The following CLEC11A variants were observed in gnomAD, a reference collection of about 807,000 sequenced individuals.
CLEC11A encodes C-type lectin domain family 11 member A.
Under a neutral mutation model 33.9 loss-of-function variants are expected in CLEC11A, and 35 were observed. The observed-to-expected ratio is 1.03, with a 90% confidence interval of 0.79 to 1.37. CLEC11A has a LOEUF of 1.37. CLEC11A is among the 40% of genes most tolerant of loss of function. The probability of loss-of-function intolerance (pLI) is 0.00; values close to 1 mark genes in which losing one functional copy is unlikely to be tolerated. For missense variants in CLEC11A, 519 were observed against 455.5 expected (o/e 1.14, Z -1.27); for synonymous variants, 220 against 202.2 (o/e 1.09, Z -0.75).
chr19:50,723,428 T>A lies in CLEC11A; in HGVS notation c.-98T>A. On this transcript the variant is annotated 5_prime_UTR_variant, in exon 1 of 4. Transcript: ENST00000250340. This position sits in a 1 kb window ranked among gnomAD's most constrained non-coding sequence, Gnocchi z 4.1. ...ATCGGGAACCTGGGGGCTAGTGACC[T>A]GCACACAGGGCAGGGGCACTCGGCA... The A allele has an allele frequency of 7.6e-7, 1 of 1,313,688 alleles. No homozygotes were observed. The allele number at this position is 1,313,688 out of a possible 1,614,324, so 81.4% of individuals were successfully genotyped here.
Position 50,723,811 on chromosome 19 carries a change from G to C in CLEC11A, c.148-94G>C. The C allele has an allele frequency of 6.5e-7, 1 of 1,536,096 alleles. No homozygotes were observed. The highest frequency in any genetic ancestry group is 2.1e-5 in the Admixed American group (1 of 48,760). ...GGGAGGGTGATGGGCTCAGAGACAGGACTCAGGCAGCAGAGAATGAGTTAT... is the reference window on the plus strand; with the variant it reads ...GGGAGGGTGATGGGCTCAGAGACAGCACTCAGGCAGCAGAGAATGAGTTAT... On this transcript the variant is annotated intron_variant, in intron 1 of 3. Transcript: ENST00000250340. The surrounding 1 kb of genome is among the most constrained non-coding windows in gnomAD (Gnocchi z 4.1).
Position 50,723,415 on chromosome 19 carries a change from G to A in CLEC11A, c.-111G>A. The A allele has an allele frequency of 2.7e-6, 3 of 1,091,096 alleles. No homozygotes were observed. The highest frequency in any genetic ancestry group is 4.1e-6 in the Non-Finnish European group (3 of 735,080). 67.6% of individuals were successfully genotyped at this position (1,091,096 alleles called of 1,614,324 possible). A position where few individuals can be genotyped will look rare whatever the true frequency, so the allele number is the denominator to read the frequency against. On this transcript the variant is annotated 5_prime_UTR_variant, in exon 1 of 4. Transcript: ENST00000250340. This position sits in a 1 kb window ranked among gnomAD's most constrained non-coding sequence, Gnocchi z 4.1. ...AGAAGCTGGGAGAATCGGGAACCTG[G>A]GGGCTAGTGACCTGCACACAGGGCA...
rs370253740 is a variant in CLEC11A at position 50,725,158 on chromosome 19, G to A, written c.663G>A (p.Glu221=). The stretch of plus-strand genomic sequence containing the variant: ...AGCCGGCAGACCGCCAGCAGATGGA[G>A]GCGCTCACTCGGTACCTGCGCGCGG... ...LAQPADRQQM[E]ALTRYLRAAL... is the part of the protein sequence containing the mutation. Residue 221 remains glutamate (E), a synonymous_variant, in exon 4 of 4, where the codon GAG becomes GAA. Coordinates refer to ENST00000250340, the MANE Select transcript of CLEC11A (RefSeq NM_002975.3). 8.4e-5 allele frequency: 131 copies of A among 1,567,062 alleles called. No homozygotes were observed. Among genetic ancestry groups the A allele is most frequent in the Non-Finnish European group, 1.1e-4 (123 of 1,158,102 alleles).
In CLEC11A at chr19:50,725,047, C is replaced by A. The variant is rs1290396852; in HGVS notation, c.552C>A (p.Gly184=). ...GCTGCCTGAAGGGGCTGCGCCTGGG[C>A]CACAAGTGCTTCCTGCTCTCGCGCG... ...LEGCLKGLRL[G]HKCFLLSRDF... is the part of the protein sequence containing the mutation. Residue 184 remains glycine (G), a synonymous_variant, in exon 4 of 4, where the codon GGC becomes GGA. Transcript: ENST00000250340. 7 of 1,510,494 alleles carry A rather than the reference C, an allele frequency of 4.6e-6. No individual in the cohort carries two copies. Among genetic ancestry groups the A allele is most frequent in the Non-Finnish European group, 6.2e-6 (7 of 1,131,904 alleles). 93.6% of individuals were successfully genotyped at this position (1,510,494 alleles called of 1,614,324 possible).
Position 50,724,358 on chromosome 19 carries a change from C to T in CLEC11A, c.335-52C>T. The T allele has an allele frequency of 7.0e-7, 1 of 1,434,578 alleles. No individual in the cohort carries two copies. The highest frequency in any genetic ancestry group is 9.1e-7 in the Non-Finnish European group (1 of 1,094,420). 88.9% of individuals were successfully genotyped at this position (1,434,578 alleles called of 1,614,324 possible). On this transcript the variant is annotated intron_variant, in intron 2 of 3. Transcript: ENST00000250340. This position sits in a 1 kb window ranked among gnomAD's most constrained non-coding sequence, Gnocchi z 4.1. The stretch of plus-strand genomic sequence containing the variant: ...TCCCAGTTCTCCAGGTCCTCAGGCC[C>T]CCCGCTGCATCTCCAGGCTCCCCCT...
rs1410106050 is a variant in CLEC11A at position 50,723,716 on chromosome 19, G to A, written c.147+44G>A. On this transcript the variant is annotated intron_variant, in intron 1 of 3. Transcript: ENST00000250340. The surrounding 1 kb of genome is among the most constrained non-coding windows in gnomAD (Gnocchi z 4.1). ...GGGAGCTATGGGTGGTGAACTGTGG[G>A]TCTGGGAGGGGGTATTGCAAGGTTA... 8 of 1,539,120 alleles carry A rather than the reference G, an allele frequency of 5.2e-6. No homozygotes were observed. The highest frequency in any genetic ancestry group is 3.8e-5 in the South Asian group (3 of 78,690).
chr19:50,725,014 G>A lies in CLEC11A; in HGVS notation c.527-8G>A. The A allele has an allele frequency of 1.4e-6, 2 of 1,427,382 alleles. No homozygotes were observed. Among genetic ancestry groups the A allele is most frequent in the Non-Finnish European group, 9.1e-7 (1 of 1,093,112 alleles). The allele number at this position is 1,427,382 out of a possible 1,614,324, so 88.4% of individuals were successfully genotyped here. A position where few individuals can be genotyped will look rare whatever the true frequency, so the allele number is the denominator to read the frequency against. On this transcript the variant is annotated splice_region_variant and splice_polypyrimidine_tract_variant and intron_variant, in intron 3 of 3. Transcript: ENST00000250340. ...CCCGCCTCCTTCTCTACCCGGCCCCGCCCACAGGCTGCCTGAAGGGGCTGC... is the reference window on the plus strand; with the variant it reads ...CCCGCCTCCTTCTCTACCCGGCCCCACCCACAGGCTGCCTGAAGGGGCTGC...
Position 50,724,208 on chromosome 19 carries a change from G to A in CLEC11A, c.334+117G>A, listed in dbSNP as rs1171757695. On this transcript the variant is annotated intron_variant, in intron 2 of 3. Transcript: ENST00000250340. This position sits in a 1 kb window ranked among gnomAD's most constrained non-coding sequence, Gnocchi z 4.1. The stretch of plus-strand genomic sequence containing the variant: ...TCAGTTGTCCATTGCCCAGCCCAGA[G>A]CCCCCACACCCCTAGGAGCCCCAGG... The A allele has an allele frequency of 2.0e-6, 3 of 1,518,314 alleles. No homozygotes were observed. Among genetic ancestry groups the A allele is most frequent in the Non-Finnish European group, 2.7e-6 (3 of 1,119,278 alleles). 94.1% of individuals were successfully genotyped at this position (1,518,314 alleles called of 1,614,324 possible).
chr19:50,724,308 C>A lies in CLEC11A; in HGVS notation c.335-102C>A. On this transcript the variant is annotated intron_variant, in intron 2 of 3. Transcript: ENST00000250340. The surrounding 1 kb of genome is among the most constrained non-coding windows in gnomAD (Gnocchi z 4.1). ...GGAGTCCGGGGTGCCCCCCCCACCGCCACCCCGCCCTCAGGAGCCCTAGAT... is the reference window on the plus strand; with the variant it reads ...GGAGTCCGGGGTGCCCCCCCCACCGACACCCCGCCCTCAGGAGCCCTAGAT... 2 of 1,081,600 alleles carry A rather than the reference C, an allele frequency of 1.8e-6. No individual in the cohort carries two copies. Among genetic ancestry groups the A allele is most frequent in the Non-Finnish European group, 2.6e-6 (2 of 779,750 alleles). The allele number at this position is 1,081,600 out of a possible 1,614,324, so 67.0% of individuals were successfully genotyped here. A position where few individuals can be genotyped will look rare whatever the true frequency, so the allele number is the denominator to read the frequency against.
Position 50,724,147 on chromosome 19 carries a change from C to T in CLEC11A, c.334+56C>T, listed in dbSNP as rs2089165173. 1 of 1,600,926 alleles carries T rather than the reference C, an allele frequency of 6.2e-7. No individual in the cohort carries two copies. The highest frequency in any genetic ancestry group is 8.5e-7 in the Non-Finnish European group (1 of 1,176,358). ...TCCTAGGCCGCCGCGGTCACTTTCG[C>T]AAAAATGAAGGGTCGGTTCACTGCC... is the stretch of plus-strand genomic sequence containing the variant. On this transcript the variant is annotated intron_variant, in intron 2 of 3. Coordinates refer to ENST00000250340, the MANE Select transcript of CLEC11A (RefSeq NM_002975.3). The surrounding 1 kb of genome is among the most constrained non-coding windows in gnomAD (Gnocchi z 4.1).
At position 50,724,805 on chromosome 19, in the gene CLEC11A, C is replaced by A. The variant is rs2089170922; in HGVS notation, c.526+204C>A. ...CCGCGCGGACCCGACTGGGGCAGCACCACGCCCCCTACAGTCCAGCTCCCA... is the reference window on the plus strand; with the variant it reads ...CCGCGCGGACCCGACTGGGGCAGCAACACGCCCCCTACAGTCCAGCTCCCA... On this transcript the variant is annotated intron_variant, in intron 3 of 3. Transcript: ENST00000250340. The surrounding 1 kb of genome is among the most constrained non-coding windows in gnomAD (Gnocchi z 4.1). Among the ~76,000 whole-genome samples, 1 of 152,070 alleles carries A rather than the reference C, an allele frequency of 6.6e-6. No homozygotes were observed. Among genetic ancestry groups the A allele is most frequent in the South Asian group, 2.1e-4 (1 of 4,832 alleles).
chr19:50,724,355 G>A lies in CLEC11A; in HGVS notation c.335-55G>A. On this transcript the variant is annotated intron_variant, in intron 2 of 3. Coordinates refer to ENST00000250340, the MANE Select transcript of CLEC11A (RefSeq NM_002975.3). The surrounding 1 kb of genome is among the most constrained non-coding windows in gnomAD (Gnocchi z 4.1). ...AGATCCCAGTTCTCCAGGTCCTCAG[G>A]CCCCCCGCTGCATCTCCAGGCTCCC... is the stretch of plus-strand genomic sequence containing the variant. 7.0e-7 allele frequency: 1 copy of A among 1,420,440 alleles called. No individual in the cohort carries two copies. The highest frequency in any genetic ancestry group is 2.6e-5 in the East Asian group (1 of 38,670). 88.0% of individuals were successfully genotyped at this position (1,420,440 alleles called of 1,614,324 possible).
Position 50,725,185 on chromosome 19 carries a change from G to A in CLEC11A, c.690G>A (p.Ala230=), listed in dbSNP as rs1489655593. The change falls in exon 4 of 4, where the codon GCG becomes GCA. Residue 230 remains alanine, a synonymous_variant. Transcript: ENST00000250340. ...MEALTRYLRA[A]LAPYNWPVWL... ...CGCTCACTCGGTACCTGCGCGCGGC[G>A]CTCGCTCCCTACAACTGGCCCGTGT... is the stretch of plus-strand genomic sequence containing the variant. 6.3e-7 allele frequency: 1 copy of A among 1,583,354 alleles called. No individual in the cohort carries two copies. Among genetic ancestry groups the A allele is most frequent in the Non-Finnish European group, 8.6e-7 (1 of 1,166,186 alleles).
At position 50,725,586 on chromosome 19, in the gene CLEC11A, C is replaced by T; in HGVS notation, c.*119C>T. ...CCACGAATGGCAGCGTCCTCCCCGA[C>T]CCCCAGTCTGGGCGCTTCTGGGAGG... On this transcript the variant is annotated 3_prime_UTR_variant, in exon 4 of 4. Transcript: ENST00000250340. 1 of 1,441,520 alleles carries T rather than the reference C, an allele frequency of 6.9e-7. No individual in the cohort carries two copies. The allele number at this position is 1,441,520 out of a possible 1,614,324, so 89.3% of individuals were successfully genotyped here.
Position 50,724,528 on chromosome 19 carries a change from C to T in CLEC11A, c.453C>T (p.Gly151=). The change falls in exon 3 of 4, where the codon GGC becomes GGT. Residue 151 remains glycine (G), a synonymous_variant. Transcript: ENST00000250340. The surrounding 1 kb of genome is among the most constrained non-coding windows in gnomAD (Gnocchi z 4.1). ...TGCGGCAGCTGCGGAACGCGGCAGGCGACACCCGCGATGCCGTGCAAGCCC... is the reference window on the plus strand; with the variant it reads ...TGCGGCAGCTGCGGAACGCGGCAGGTGACACCCGCGATGCCGTGCAAGCCC... ...QGLRQLRNAA[G]DTRDAVQALQ... 6.5e-7 allele frequency: 1 copy of T among 1,543,580 alleles called. No individual in the cohort carries two copies. Among genetic ancestry groups the T allele is most frequent in the Non-Finnish European group, 8.7e-7 (1 of 1,152,282 alleles).
In CLEC11A at chr19:50,724,290, G is replaced by T. The variant is rs974154047; in HGVS notation, c.335-120G>T. The T allele has an allele frequency of 3.3e-6, 4 of 1,220,620 alleles. No individual in the cohort carries two copies. The highest frequency in any genetic ancestry group is 4.4e-6 in the Non-Finnish European group (4 of 905,420). The allele number at this position is 1,220,620 out of a possible 1,614,324, so 75.6% of individuals were successfully genotyped here. A position where few individuals can be genotyped will look rare whatever the true frequency, so the allele number is the denominator to read the frequency against. Reference sequence around the variant, plus strand: ...ACTCGACCCTACCTTCCAGGAGTCCGGGGTGCCCCCCCCACCGCCACCCCG... The same window carrying T: ...ACTCGACCCTACCTTCCAGGAGTCCTGGGTGCCCCCCCCACCGCCACCCCG... On this transcript the variant is annotated intron_variant, in intron 2 of 3. Coordinates refer to ENST00000250340, the MANE Select transcript of CLEC11A (RefSeq NM_002975.3). The surrounding 1 kb of genome is among the most constrained non-coding windows in gnomAD (Gnocchi z 4.1).
Position 50,725,224 on chromosome 19 carries a change from C to G in CLEC11A, c.729C>G (p.His243Gln), listed in dbSNP as rs137983631. 6 of 1,598,282 alleles carry G rather than the reference C, an allele frequency of 3.8e-6. No individual in the cohort carries two copies. Among genetic ancestry groups the G allele is most frequent in the Admixed American group, 1.7e-5 (1 of 58,002 alleles). ...ACTGGCCCGTGTGGCTGGGCGTGCA[C>G]GATCGGCGCGCCGAGGGCCTCTACC... is the stretch of plus-strand genomic sequence containing the variant. ...PYNWPVWLGV[H>Q]DRRAEGLYLF... Residue 243 changes from histidine to glutamine, a missense_variant, in exon 4 of 4, where the codon CAC becomes CAG. Physicochemically the swap from His to Gln is conservative, Grantham distance 24 (BLOSUM62 0). Coordinates refer to ENST00000250340, the MANE Select transcript of CLEC11A (RefSeq NM_002975.3).
chr19:50,723,438 G>A lies in CLEC11A; in HGVS notation c.-88G>A. The stretch of plus-strand genomic sequence containing the variant: ...TGGGGGCTAGTGACCTGCACACAGG[G>A]CAGGGGCACTCGGCAGTTCCCAGAG... On this transcript the variant is annotated 5_prime_UTR_variant, in exon 1 of 4. Transcript: ENST00000250340. This position sits in a 1 kb window ranked among gnomAD's most constrained non-coding sequence, Gnocchi z 4.1. 1 of 1,426,072 alleles carries A rather than the reference G, an allele frequency of 7.0e-7. No individual in the cohort carries two copies. The highest frequency in any genetic ancestry group is 9.8e-7 in the Non-Finnish European group (1 of 1,017,340). The allele number at this position is 1,426,072 out of a possible 1,614,324, so 88.3% of individuals were successfully genotyped here.
chr19:50,723,879 G>T lies in CLEC11A; in HGVS notation c.148-26G>T. On this transcript the variant is annotated intron_variant, in intron 1 of 3. Coordinates refer to ENST00000250340, the MANE Select transcript of CLEC11A (RefSeq NM_002975.3). This position sits in a 1 kb window ranked among gnomAD's most constrained non-coding sequence, Gnocchi z 4.1. ...ATGGGGCATCTTGGTGGCAGGCTGGGGCTCACCACCCCTCCCCTGCCCCAG... is the reference window on the plus strand; with the variant it reads ...ATGGGGCATCTTGGTGGCAGGCTGGTGCTCACCACCCCTCCCCTGCCCCAG... The T allele has an allele frequency of 6.3e-7, 1 of 1,593,208 alleles. No homozygotes were observed. Among genetic ancestry groups the T allele is most frequent in the Non-Finnish European group, 8.5e-7 (1 of 1,170,280 alleles).
Sources: allele counts gnomAD v4.1 joint callset (sites outside exome capture counted in the v4.1 genomes callset), GRCh38; gene constraint gnomAD v4.1.1; non-coding constraint Gnocchi (gnomAD v3.1); transcripts MANE v1.5; gene names NCBI Gene and HGNC (gene_info 2026-07-23, HGNC 2026-07-21).